SPAG16: variants seen among roughly 807,000 people sequenced by gnomAD.
SPAG16 encodes the protein sperm-associated antigen 16 protein.
Under a neutral mutation model 80.4 loss-of-function variants are expected in SPAG16, and 86 were observed. The ratio of observed to expected loss-of-function variants is 1.07; its 90% CI spans 0.90 to 1.28. The LOEUF is 1.28. Ranked by LOEUF, SPAG16 falls within the 50% of genes most tolerant of loss-of-function variation. The pLI is 0.00. For synonymous variants in SPAG16, 294 were observed against 265.9 expected, an observed-to-expected ratio of 1.11 and a Z score of -1.03; for missense variants, 870 against 765.3, an observed-to-expected ratio of 1.14 and a Z score of -1.61.
intron 10 of SPAG16, among the ~76,000 whole-genome samples, chr2:213,542,987 C>G (rs2076501992): frequency 6.6e-6 from 1 of 151,938 alleles, no homozygotes; most frequent in South Asian, 2.1e-4. Context: ...AGATATCCAG[C>G]CAGACTGATC....
At chr2:213,636,948 T>C (rs1382966016) in intron 10 of SPAG16, among the ~76,000 whole-genome samples, 2 of 152,234 alleles carry the variant, frequency 1.3e-5, no homozygotes, top group African/African-American at 4.8e-5. Flanking sequence ...CCTTTATTTC[T>C]TTCTTCTGTC....
chr2:214,089,514 C>A (rs10490492), intron 13 of SPAG16, among the ~76,000 whole-genome samples: 1 of 151,856 alleles, frequency 6.6e-6, no homozygotes, highest in Non-Finnish European at 1.5e-5. Context: ...ATGCTTCGGA[C>A]CTTTCTCTAC....
At chr2:214,025,850 T>A (rs2125026114) in intron 13 of SPAG16, among the ~76,000 whole-genome samples, 1 of 151,588 alleles carries the variant, frequency 6.6e-6, no homozygotes, top group African/African-American at 2.4e-5. Flanking sequence ...GTTATGACAC[T>A]TGTGCATTCT....
chr2:214,179,119 C>CA, intron 15 of SPAG16, among the ~76,000 whole-genome samples: 1 of 151,222 alleles, frequency 6.6e-6, no homozygotes, highest in East Asian at 1.9e-4. Context: ...TGTATAAAAC[C>CA]AAAACAAAAT....
intron 15 of SPAG16, among the ~76,000 whole-genome samples, chr2:214,287,549 T>C (rs1239497017): frequency 1.3e-5 from 2 of 152,230 alleles, no homozygotes; most frequent in African/African-American, 2.4e-5. Flanking sequence ...CTTTCAGAAA[T>C]TGCAACACTT....
At chr2:214,287,534 G>T (rs10932530) in intron 15 of SPAG16, among the ~76,000 whole-genome samples, 51,686 of 152,004 alleles carry the variant, frequency 0.34, 9,019 homozygotes, top group East Asian at 0.53. Flanking sequence ...ATAGTTGGGG[G>T]TGGGCTTTCA....
chr2:214,206,648 T>A (rs781024559), intron 15 of SPAG16, among the ~76,000 whole-genome samples: 18 of 152,222 alleles, frequency 1.2e-4, no homozygotes, highest in Non-Finnish European at 2.2e-4. Context: ...GCAGTGAGAT[T>A]GCAGGATCAC....
intron 13 of SPAG16, among the ~76,000 whole-genome samples, chr2:214,054,160 C>G (rs945117212): frequency 1.3e-5 from 2 of 152,080 alleles, no homozygotes; most frequent in Non-Finnish European, 2.9e-5. Context: ...CAGGTGCCCG[C>G]CCCCATACCC....
chr2:213,504,205 G>A (rs561473563), intron 10 of SPAG16, among the ~76,000 whole-genome samples: 1 of 152,276 alleles, frequency 6.6e-6, no homozygotes, highest in East Asian at 1.9e-4. Flanking sequence ...AATTTCTTAA[G>A]CAAGAACATA....
intron 10 of SPAG16, among the ~76,000 whole-genome samples, chr2:213,713,591 T>C (rs1187364221): frequency 6.6e-6 from 1 of 152,200 alleles, no homozygotes; most frequent in Admixed American, 6.5e-5. Context: ...ATAAGGCAAC[T>C]GTGCCAGTCA....
At chr2:213,986,248 A>C (rs149331782) in intron 12 of SPAG16, among the ~76,000 whole-genome samples, 1 of 152,164 alleles carries the variant, frequency 6.6e-6, no homozygotes, top group African/African-American at 2.4e-5. Context: ...AGATGAGGAA[A>C]TATTATGAAC....
chr2:214,373,141 A>G (rs1357476201), intron 15 of SPAG16, among the ~76,000 whole-genome samples: 1 of 152,186 alleles, frequency 6.6e-6, no homozygotes, highest in Non-Finnish European at 1.5e-5. Flanking sequence ...CTTTCTTAAT[A>G]CAGGGAAATA....
At chr2:213,327,322 A>G (rs2063887130) in intron 5 of SPAG16, among the ~76,000 whole-genome samples, 1 of 152,082 alleles carries the variant, frequency 6.6e-6, no homozygotes, top group African/African-American at 2.4e-5. Flanking sequence ...AGGTCATAAT[A>G]GGAGAAGCAC....
chr2:213,321,765 G>A (rs1284135706), intron 5 of SPAG16, among the ~76,000 whole-genome samples: 1 of 152,072 alleles, frequency 6.6e-6, no homozygotes, highest in East Asian at 1.9e-4. Context: ...GAAAATAACT[G>A]TTGAGAACAT....
At chr2:214,037,231 A>G (rs2048744521) in intron 13 of SPAG16, among the ~76,000 whole-genome samples, 1 of 149,248 alleles carries the variant, frequency 6.7e-6, no homozygotes, top group African/African-American at 2.5e-5. Flanking sequence ...ATACACATAT[A>G]TGTGTATGTT....
intron 11 of SPAG16, among the ~76,000 whole-genome samples, chr2:213,928,876 G>A (rs1333294928): frequency 1.4e-5 from 2 of 145,072 alleles, no homozygotes; most frequent in Non-Finnish European, 3.0e-5. Context: ...AGAAGATGAT[G>A]GAAGTAAAAT....
intron 15 of SPAG16, among the ~76,000 whole-genome samples, chr2:214,225,997 G>T (rs1277687991): frequency 6.6e-6 from 1 of 152,030 alleles, no homozygotes; most frequent in Non-Finnish European, 1.5e-5. Flanking sequence ...GACTACTTCC[G>T]GTAGAAAGCC....
At chr2:213,565,618 A>C (rs1458425999) in intron 10 of SPAG16, among the ~76,000 whole-genome samples, 2 of 152,180 alleles carry the variant, frequency 1.3e-5, no homozygotes, top group Admixed American at 1.3e-4. Context: ...CAGGAAGTGG[A>C]AGCTGAGAGG....
chr2:213,317,814 C>T (rs926407577), intron 5 of SPAG16: 8 of 813,116 alleles, frequency 9.8e-6, no homozygotes, highest in South Asian at 5.6e-5. Flanking sequence ...TATGTAGGTT[C>T]GTCAGTTGTT....
Sources: gnomAD v4.1 joint callset for allele counts (sites outside exome capture counted in the v4.1 genomes callset) on GRCh38, gnomAD v4.1.1 for gene constraint, MANE v1.5 for transcripts, NCBI Gene and HGNC (gene_info 2026-07-23, HGNC 2026-07-21) for gene names.